MYT1L: variants seen among roughly 807,000 people sequenced by gnomAD.
MYT1L encodes myelin transcription factor 1 like.
Under a neutral mutation model 126.7 loss-of-function variants are expected in MYT1L, and 12 were observed. The observed-to-expected ratio is 0.09, with a 90% CI of 0.06 to 0.15. The LOEUF is 0.15. MYT1L is among the 10% of genes least tolerant of loss of function. MYT1L has a pLI of 1.00. For synonymous variants in MYT1L, 541 were observed against 604.2 expected (o/e 0.90, Z 1.53); for missense variants, 979 against 1,585.2 (o/e 0.62, Z 6.49).
chr2:2,279,899 T>A (rs1413487442), intron 2 of MYT1L, among the ~76,000 whole-genome samples: 3 of 152,204 alleles, frequency 2.0e-5, no homozygotes, highest in African/African-American at 7.2e-5. Context: ...CTTACGTGAT[T>A]TATCTATTTA....
rs61461867 is a variant in MYT1L at position 2,262,915 on chromosome 2, A to AATATATATATATATATAT, written c.-421+21488_-421+21489insATATATATATATATATAT. Among the ~76,000 whole-genome samples the AATATATATATATATATAT allele has an allele frequency of 4.2e-3, 259 of 62,316 alleles. 21 individuals carry two copies. Among genetic ancestry groups the AATATATATATATATATAT allele is most frequent in the African/African-American group, 0.015 (225 of 14,532 alleles). 40.9% of individuals were successfully genotyped at this position (62,316 alleles called of 152,430 possible). On this transcript the variant is annotated intron_variant, in intron 2 of 24. Coordinates refer to ENST00000647738, the MANE Select transcript of MYT1L (RefSeq NM_001303052.2). Reference sequence around the variant, plus strand: ...GTTTTTACCCCAGGTGAGAGGCACAAATATATATATATATATAACCTGTGA... The same window carrying AATATATATATATATATAT: ...GTTTTTACCCCAGGTGAGAGGCACAAATATATATATATATATATATATATATATATATATAACCTGTGA...
intron 1 of MYT1L, among the ~76,000 whole-genome samples, chr2:2,285,928 T>C (rs2095513410): frequency 6.6e-6 from 1 of 152,170 alleles, no homozygotes; most frequent in South Asian, 2.1e-4. Context: ...TAGCCTCCAG[T>C]TTCTCAGACC....
intron 21 of MYT1L, among the ~76,000 whole-genome samples, chr2:1,836,309 CCCAAGATTCCATCAACGTGCACT>C (rs2040871055): frequency 1.3e-5 from 2 of 150,656 alleles, no homozygotes; most frequent in African/African-American, 4.9e-5. Context: ...AGCCTGCCCC[CCCAAGATTCCATCAACGTGCACT>C]CCAAGATTCC....
intron 2 of MYT1L, among the ~76,000 whole-genome samples, chr2:2,259,429 T>C (rs1007119464): frequency 1.3e-5 from 2 of 151,308 alleles, no homozygotes; most frequent in Non-Finnish European, 2.9e-5. Context: ...AATGGAACTA[T>C]GTGAGGTGAT....
At chr2:1,844,505 T>C (rs937020619) in intron 19 of MYT1L, among the ~76,000 whole-genome samples, 1 of 152,082 alleles carries the variant, frequency 6.6e-6, no homozygotes, top group Non-Finnish European at 1.5e-5. Flanking sequence ...GAATGACTAT[T>C]TGTGAGAAGG....
chr2:1,956,643 TC>T (rs1401912590), intron 8 of MYT1L, among the ~76,000 whole-genome samples: 3 of 150,284 alleles, frequency 2.0e-5, no homozygotes, highest in Admixed American at 1.3e-4. Flanking sequence ...TATCTAGCTA[TC>T]TATTTATCTA....
At chr2:2,239,614 T>C (rs574442276) in intron 2 of MYT1L, among the ~76,000 whole-genome samples, 1 of 152,296 alleles carries the variant, frequency 6.6e-6, no homozygotes, top group East Asian at 1.9e-4. Context: ...TGCCATGCCG[T>C]CAACCTAAGA....
chr2:2,239,183 A>G (rs1256666714), intron 2 of MYT1L, among the ~76,000 whole-genome samples: 2 of 152,228 alleles, frequency 1.3e-5, no homozygotes, highest in African/African-American at 4.8e-5. Context: ...CCAGCTCCTC[A>G]CTGTGGCTTT....
rs570609444 is a variant in MYT1L at position 2,261,181 on chromosome 2, CAT to C, written c.-421+23221_-421+23222del. Among the ~76,000 whole-genome samples the C allele has an allele frequency of 1.5e-3, 230 of 151,784 alleles. No individual in the cohort carries two copies. The Middle Eastern group carries it at 0.017, about 11-fold the overall frequency. On this transcript the variant is annotated intron_variant, in intron 2 of 24. Transcript: ENST00000647738. ...TGTGTGTGTGTGTATGTGTTTCCAA[CAT>C]GTGTCTACAATAGAATCTCCAACTT...
chr2:2,278,546 A>G (rs914952143), intron 2 of MYT1L, among the ~76,000 whole-genome samples: 1 of 152,188 alleles, frequency 6.6e-6, no homozygotes, highest in Non-Finnish European at 1.5e-5. Context: ...AACCATTTCT[A>G]TATTATTTTG....
At chr2:1,823,726 C>G (rs2038902524) in intron 21 of MYT1L, among the ~76,000 whole-genome samples, 2 of 152,208 alleles carry the variant, frequency 1.3e-5, no homozygotes. Context: ...GGGTCAGGCT[C>G]CTGGCACGAG....
At chr2:2,241,748 T>C (rs1222162476) in intron 2 of MYT1L, among the ~76,000 whole-genome samples, 2 of 152,224 alleles carry the variant, frequency 1.3e-5, no homozygotes, top group African/African-American at 4.8e-5. Flanking sequence ...GGACTATTAT[T>C]CAGCCTTAGA....
intron 18 of MYT1L, among the ~76,000 whole-genome samples, chr2:1,873,322 A>G (rs547610909): frequency 6.6e-6 from 1 of 152,214 alleles, no homozygotes; most frequent in Admixed American, 6.5e-5. Context: ...ATCTTACTCC[A>G]TTTGATATCC....
intron 4 of MYT1L, among the ~76,000 whole-genome samples, chr2:2,021,310 C>T (rs564211186): frequency 1.3e-5 from 2 of 152,108 alleles, no homozygotes; most frequent in East Asian, 1.9e-4. Context: ...GGGAGGTGGG[C>T]AGGGGAAGGT....
chr2:1,980,599 G>T (rs2060532432), intron 5 of MYT1L, among the ~76,000 whole-genome samples: 1 of 151,900 alleles, frequency 6.6e-6, no homozygotes, highest in African/African-American at 2.4e-5. Flanking sequence ...TTACTTTGTG[G>T]GATCTTCACA....
At chr2:2,239,140 A>G (rs2094388100) in intron 2 of MYT1L, among the ~76,000 whole-genome samples, 1 of 152,258 alleles carries the variant, frequency 6.6e-6, no homozygotes, top group South Asian at 2.1e-4. Context: ...TAGCACATGA[A>G]TGGACACTAC....
intron 3 of MYT1L, among the ~76,000 whole-genome samples, chr2:2,137,061 C>T (rs972827891): frequency 6.6e-6 from 1 of 152,134 alleles, no homozygotes; most frequent in African/African-American, 2.4e-5. Context: ...AAACAGAGAG[C>T]CAAATCATGA....
In MYT1L at chr2:2,228,300, C is replaced by A. The variant is rs1268585543; in HGVS notation, c.-420-55312G>T. Among the ~76,000 whole-genome samples the A allele has an allele frequency of 6.6e-6, 1 of 152,116 alleles. No individual in the cohort carries two copies. The highest frequency in any genetic ancestry group is 2.4e-5 in the African/African-American group (1 of 41,404). On this transcript the variant is annotated intron_variant, in intron 2 of 24. Transcript: ENST00000647738. This position sits in a 1 kb window ranked among gnomAD's most constrained non-coding sequence, Gnocchi z 5.9. ...ATGCAAAAGTCCATCATATGACTTT[C>A]AAATTGGCAAAGGTGATAATATTAA...
intron 3 of MYT1L, among the ~76,000 whole-genome samples, chr2:2,083,605 C>T (rs1023534174): frequency 1.3e-5 from 2 of 152,180 alleles, no homozygotes; most frequent in Non-Finnish European, 2.9e-5. Context: ...AATCTGGAAT[C>T]GTACAATTTT....
Sources: gnomAD v4.1 joint callset for allele counts (sites outside exome capture counted in the v4.1 genomes callset) on GRCh38, gnomAD v4.1.1 for gene constraint, Gnocchi (gnomAD v3.1) non-coding constraint, MANE v1.5 for transcripts, NCBI Gene and HGNC (gene_info 2026-07-23, HGNC 2026-07-21) for gene names.